The following JADE1 variants were observed in gnomAD, a reference collection of about 807,000 sequenced individuals.
JADE1 encodes jade family PHD finger 1.
A neutral mutation model predicts 81.8 loss-of-function variants in JADE1; 14 were observed. That is an observed-to-expected ratio of 0.17 (90% CI 0.11 to 0.27). JADE1 has a LOEUF of 0.27. Among genes scored for constraint, JADE1 ranks in the 10% least tolerant of loss-of-function variants. JADE1 has a pLI of 1.00. For synonymous variants in JADE1, 353 were observed against 391.9 expected (o/e 0.90, Z 1.17); for missense variants, 690 against 1,047.9 (o/e 0.66, Z 4.71).
chr4:128,839,674 GCTT>G (rs1729269655), intron 2 of JADE1, among the ~76,000 whole-genome samples: 1 of 151,460 alleles, frequency 6.6e-6, no homozygotes, highest in Non-Finnish European at 1.5e-5. Context: ...TTTTGGTCTG[GCTT>G]CTTTCACTCA....
intron 9 of JADE1, chr4:128,865,132 C>G (rs1239002639): frequency 6.6e-6 from 1 of 152,194 alleles, no homozygotes; most frequent in Non-Finnish European, 1.5e-5. Context: ...GAATGGTCAC[C>G]TTTGAAAATC....
chr4:128,821,739 T>C (rs1727591220), intron 1 of JADE1, among the ~76,000 whole-genome samples: 2 of 152,198 alleles, frequency 1.3e-5, no homozygotes, highest in African/African-American at 4.8e-5. Context: ...CAGGCTGGTC[T>C]CGAGCTCCTG....
At chr4:128,811,659 G>GACGCCCGGCCCGCC (rs1726395672) in intron 1 of JADE1, among the ~76,000 whole-genome samples, 1 of 138,790 alleles carries the variant, frequency 7.2e-6, no homozygotes, top group Non-Finnish European at 1.6e-5. Context: ...CGGGGGCGGG[G>GACGCCCGGCCCGCC]ACGCCCGGCC....
intron 1 of JADE1, among the ~76,000 whole-genome samples, chr4:128,830,231 G>A (rs1344879840): frequency 6.7e-6 from 1 of 149,936 alleles, no homozygotes; most frequent in Middle Eastern, 3.2e-3. Flanking sequence ...TTCTATTGTT[G>A]TGTGTATGTG....
intron 8 of JADE1, among the ~76,000 whole-genome samples, chr4:128,859,308 GTATTTGGT>G (rs1731083844): frequency 6.6e-6 from 1 of 151,910 alleles, no homozygotes; most frequent in African/African-American, 2.4e-5. Context: ...GTATGCATGT[GTATTTGGT>G]TATGCATATG....
At chr4:128,841,270 G>A (rs148948541) in intron 2 of JADE1, among the ~76,000 whole-genome samples, 24 of 152,302 alleles carry the variant, frequency 1.6e-4, no homozygotes, top group African/African-American at 5.8e-4. Flanking sequence ...AGGTGGAGGT[G>A]AATTATCAGA....
At chr4:128,810,280 T>G (rs1726223709) in intron 1 of JADE1, 1 of 151,700 alleles carries the variant, frequency 6.6e-6, no homozygotes, top group African/African-American at 2.4e-5. Context: ...AGAATTGATC[T>G]ATGTTGGATC....
In JADE1 at chr4:128,872,918, A is replaced by C. The variant is rs1732298322; in HGVS notation, c.*656A>C. The C allele has an allele frequency of 2.2e-6, 1 of 456,136 alleles. No individual in the cohort carries two copies. The highest frequency in any genetic ancestry group is 2.0e-5 in the African/African-American group (1 of 50,070). 28.3% of individuals were successfully genotyped at this position (456,136 alleles called of 1,614,324 possible). A position where few individuals can be genotyped will look rare whatever the true frequency, so the allele number is the denominator to read the frequency against. On this transcript the variant is annotated 3_prime_UTR_variant, in exon 11 of 11. Coordinates refer to ENST00000226319, the MANE Select transcript of JADE1 (RefSeq NM_199320.4). The stretch of plus-strand genomic sequence containing the variant: ...TATGGAGATTTAGGGTAATATGGCA[A>C]GGTCCTGCTGCTTGAAGCCTGTGAG...
Position 128,849,037 on chromosome 4 carries a change from A to C in JADE1, c.354A>C (p.Ser118=), listed in dbSNP as rs377418484. 75 of 1,614,052 alleles carry C rather than the reference A, an allele frequency of 4.6e-5. No homozygotes were observed. The East Asian group carries it at 1.1e-3, about 23-fold the overall frequency. ...TCAGGCCCAAGAAGTACATCGTGTC[A>C]TCAGGCTCTGAGCCTCCCGAGTTGG... is the stretch of plus-strand genomic sequence containing the variant. ...MFIRPKKYIV[S]SGSEPPELGY... is the part of the protein sequence containing the mutation. Residue 118 remains serine (S), a synonymous_variant, in exon 5 of 11, where the codon TCA becomes TCC. Coordinates refer to ENST00000226319, the MANE Select transcript of JADE1 (RefSeq NM_199320.4).
chr4:128,869,350 T>G (rs1732018233), intron 10 of JADE1, among the ~76,000 whole-genome samples: 1 of 152,196 alleles, frequency 6.6e-6, no homozygotes, highest in Non-Finnish European at 1.5e-5. Flanking sequence ...TCTTCATGAT[T>G]CCTACCTGAA....
chr4:128,866,006 A>G (rs960622157), intron 9 of JADE1, among the ~76,000 whole-genome samples: 1 of 152,184 alleles, frequency 6.6e-6, no homozygotes, highest in African/African-American at 2.4e-5. Flanking sequence ...TCTGTTTCCT[A>G]GAAGTTTTGA....
intron 5 of JADE1, among the ~76,000 whole-genome samples, chr4:128,849,407 C>T (rs992133669): frequency 6.6e-6 from 1 of 152,158 alleles, no homozygotes; most frequent in East Asian, 1.9e-4. Flanking sequence ...TTCCCATCCC[C>T]GCTCTGATCT....
In JADE1 at chr4:128,872,034, T is replaced by G; in HGVS notation, c.2301T>G (p.Asp767Glu). Residue 767 changes from aspartate to glutamate, a missense_variant, in exon 11 of 11, where the codon GAT becomes GAG. Transcript: ENST00000226319. ...GGCAGCAGCAGGGAGAGGCCCACGATGGGGCCTGCCACCAGCACTCAGACT... is the reference window on the plus strand; with the variant it reads ...GGCAGCAGCAGGGAGAGGCCCACGAGGGGGCCTGCCACCAGCACTCAGACT... ...GERQQQGEAH[D>E]GACHQHSDYP... is the part of the protein sequence containing the mutation. 1.2e-6 allele frequency: 2 copies of G among 1,613,932 alleles called. No individual in the cohort carries two copies. Among genetic ancestry groups the G allele is most frequent in the Non-Finnish European group, 1.7e-6 (2 of 1,179,920 alleles).
In JADE1 at chr4:128,873,938, C is replaced by G. The variant is rs1732387213; in HGVS notation, c.*1676C>G. The G allele has an allele frequency of 6.6e-6, 1 of 152,568 alleles. No individual in the cohort carries two copies. The highest frequency in any genetic ancestry group is 2.4e-5 in the African/African-American group (1 of 41,446). The allele number at this position is 152,568 out of a possible 1,614,324, so 9.5% of individuals were successfully genotyped here. ...ATCAAATAGTAGATCTGATACATCC[C>G]CATTGTATGTACGACATTTTCAAAC... On this transcript the variant is annotated 3_prime_UTR_variant, in exon 11 of 11. Transcript: ENST00000226319.
chr4:128,817,738 T>C (rs1413970358), intron 1 of JADE1, among the ~76,000 whole-genome samples: 5 of 152,212 alleles, frequency 3.3e-5, no homozygotes, highest in African/African-American at 1.2e-4. Flanking sequence ...ACTTTTTAAG[T>C]TGGGGACACT....
At chr4:128,828,603 T>C (rs1313167850) in intron 1 of JADE1, among the ~76,000 whole-genome samples, 1 of 152,156 alleles carries the variant, frequency 6.6e-6, no homozygotes, top group African/African-American at 2.4e-5. Context: ...AGAAAGAAAA[T>C]ACTATTTTTA....
At chr4:128,821,016 T>G (rs555224493) in intron 1 of JADE1, among the ~76,000 whole-genome samples, 1 of 152,358 alleles carries the variant, frequency 6.6e-6, no homozygotes, top group African/African-American at 2.4e-5. Flanking sequence ...TTACCTTCGT[T>G]CATTCAGAAG....
At chr4:128,818,641 G>T (rs1439420908) in intron 1 of JADE1, among the ~76,000 whole-genome samples, 1 of 152,146 alleles carries the variant, frequency 6.6e-6, no homozygotes, top group Admixed American at 6.5e-5. Flanking sequence ...GGGTCATATG[G>T]TCTGTCGCAA....
chr4:128,852,902 C>T (rs1230311865), intron 6 of JADE1, among the ~76,000 whole-genome samples: 1 of 151,592 alleles, frequency 6.6e-6, no homozygotes, highest in Non-Finnish European at 1.5e-5. Flanking sequence ...GTGTCTCTGT[C>T]TTCACATGGT....
Sources: gnomAD v4.1 joint callset for allele counts (sites outside exome capture counted in the v4.1 genomes callset) on GRCh38, gnomAD v4.1.1 for gene constraint, MANE v1.5 for transcripts, NCBI Gene and HGNC (gene_info 2026-07-23, HGNC 2026-07-21) for gene names.